Variants in NHEJ1 observed in about 807,000 individuals in gnomAD.
The protein encoded by NHEJ1 is non-homologous end-joining factor 1.
NHEJ1 carries 22 observed loss-of-function variants against 39.4 expected under a neutral mutation model. The observed-to-expected ratio is 0.56, with a 90% confidence interval of 0.40 to 0.80. NHEJ1 has a LOEUF of 0.80. NHEJ1 is among the 30% of genes least tolerant of loss of function. The pLI, the probability that NHEJ1 is intolerant of heterozygous loss-of-function variation, is 0.00. For missense variants in NHEJ1, 329 were observed against 357.1 expected, an observed-to-expected ratio of 0.92 and a Z score of 0.63; for synonymous variants, 154 against 135.6, an observed-to-expected ratio of 1.14 and a Z score of -0.94.
intron 5 of NHEJ1, among the ~76,000 whole-genome samples, chr2:219,129,158 C>A (rs562001230): frequency 6.6e-6 from 1 of 152,332 alleles, no homozygotes; most frequent in South Asian, 2.1e-4. Flanking sequence ...AACAGACTTA[C>A]TTGATTGCAT....
At chr2:219,124,110 T>C (rs984238486) in intron 5 of NHEJ1, among the ~76,000 whole-genome samples, 3 of 152,148 alleles carry the variant, frequency 2.0e-5, no homozygotes, top group Non-Finnish European at 2.9e-5. Flanking sequence ...TCAGGCCAGC[T>C]GTCATCAACC....
chr2:219,158,407 G>A, intron 1 of NHEJ1, 45 bp from the exon 2 acceptor site: 2 of 1,590,334 alleles, frequency 1.3e-6, no homozygotes, highest in Non-Finnish European at 1.7e-6. Flanking sequence ...GGGTCATGCT[G>A]GCCTAGGGAG....
chr2:219,137,483 TAGG>T (rs921651083), intron 5 of NHEJ1, among the ~76,000 whole-genome samples: 1 of 146,672 alleles, frequency 6.8e-6, no homozygotes, highest in Admixed American at 7.1e-5. Context: ...ATCTCCCTCC[TAGG>T]AGATGTGTCC....
intron 3 of NHEJ1, among the ~76,000 whole-genome samples, chr2:219,151,462 TTATC>T (rs1949794424): frequency 6.6e-6 from 1 of 152,238 alleles, no homozygotes. Flanking sequence ...GCAACTGAAA[TTATC>T]TATCAGACCC....
At position 219,101,918 on chromosome 2, in the gene NHEJ1, G is replaced by A. The variant is rs548555773; in HGVS notation, c.589-23712C>T. On this transcript the variant is annotated intron_variant, in intron 5 of 7. Coordinates refer to ENST00000356853, the MANE Select transcript of NHEJ1 (RefSeq NM_024782.3). ...TTTTTTGTATTTTAGCGGAGATGGC[G>A]TTTCACCATGTTGGCCAAGATGGTC... Among the ~76,000 whole-genome samples, 445 of 150,620 alleles carry A rather than the reference G, an allele frequency of 3.0e-3. 3 individuals carry two copies. Among genetic ancestry groups the A allele is most frequent in the African/African-American group, 9.7e-3 (396 of 40,916 alleles).
chr2:219,140,247 A>G (rs866233962), intron 5 of NHEJ1, among the ~76,000 whole-genome samples: 1 of 152,220 alleles, frequency 6.6e-6, no homozygotes. Flanking sequence ...GAAAGGTAAG[A>G]GAGTTCTATA....
intron 5 of NHEJ1, among the ~76,000 whole-genome samples, chr2:219,133,089 C>A (rs536563190): frequency 6.6e-6 from 1 of 152,286 alleles, no homozygotes; most frequent in Non-Finnish European, 1.5e-5. Flanking sequence ...GCAATTTCTC[C>A]CTTCATAATT....
intron 5 of NHEJ1, among the ~76,000 whole-genome samples, chr2:219,082,923 G>T (rs545286309): frequency 1.3e-5 from 2 of 152,198 alleles, no homozygotes; most frequent in Non-Finnish European, 2.9e-5. Context: ...CTTCCCTTAG[G>T]AATAAGAGCA....
intron 5 of NHEJ1, among the ~76,000 whole-genome samples, chr2:219,145,297 T>C (rs1407441378): frequency 6.6e-6 from 1 of 152,212 alleles, no homozygotes; most frequent in Non-Finnish European, 1.5e-5. Context: ...ATACAAGTTT[T>C]CCTTCTTCTT....
chr2:219,140,378 A>T (rs898480135), intron 5 of NHEJ1, among the ~76,000 whole-genome samples: 2 of 152,244 alleles, frequency 1.3e-5, no homozygotes, highest in African/African-American at 4.8e-5. Context: ...CAACTTAATA[A>T]GATAGCTTTG....
intron 3 of NHEJ1, among the ~76,000 whole-genome samples, chr2:219,150,764 T>C (rs953603345): frequency 1.1e-4 from 16 of 152,270 alleles, no homozygotes; most frequent in African/African-American, 3.9e-4. Context: ...AAGATCAGCC[T>C]GGCCAACACG....
chr2:219,158,236 G>A lies in NHEJ1; in HGVS notation c.127C>T (p.Gln43Ter). 1 of 1,614,172 alleles carries A rather than the reference G, an allele frequency of 6.2e-7. No individual in the cohort carries two copies. The highest frequency in any genetic ancestry group is 8.5e-7 in the Non-Finnish European group (1 of 1,180,044). Residue 43 changes from glutamine to a stop codon, truncating the protein, a stop_gained, in exon 2 of 8, where the codon CAG becomes TAG. Coordinates refer to ENST00000356853, the MANE Select transcript of NHEJ1 (RefSeq NM_024782.3). LOFTEE classifies it high-confidence loss of function. ...GYALLVSDLQ[Q>*]VWHEQVDTSV... ...GTGTCCACCTGTTCATGCCACACCTGTTGAAGATCTGAAACCAACAAGGCA... is the reference window on the plus strand; with the variant it reads ...GTGTCCACCTGTTCATGCCACACCTATTGAAGATCTGAAACCAACAAGGCA...
intron 5 of NHEJ1, among the ~76,000 whole-genome samples, chr2:219,134,690 C>T (rs1198160633): frequency 2.6e-5 from 4 of 152,128 alleles, no homozygotes; most frequent in African/African-American, 9.7e-5. Context: ...AGCTTCAACC[C>T]TAGTTTTTCA....
In NHEJ1 at chr2:219,071,489, AT is replaced by A. The variant is rs1390548463; in HGVS notation, c.*4891del. Among the ~76,000 whole-genome samples the A allele has an allele frequency of 6.6e-6, 1 of 152,190 alleles. No individual in the cohort carries two copies. The highest frequency in any genetic ancestry group is 1.5e-5 in the Non-Finnish European group (1 of 68,032). On this transcript the variant is annotated 3_prime_UTR_variant, in exon 8 of 8. Transcript: ENST00000356853. ...ATCTGATTAACCATGTTAGACAACA[AT>A]GCCGAGCTGGGATGGGCTTCCCCTT...
rs1003778613 is a variant in NHEJ1 at position 219,071,977 on chromosome 2, G to A, written c.*4404C>T. Among the ~76,000 whole-genome samples, 15 of 152,202 alleles carry A rather than the reference G, an allele frequency of 9.9e-5. No homozygotes were observed. The highest frequency in any genetic ancestry group is 2.7e-4 in the African/African-American group (11 of 41,456). On this transcript the variant is annotated 3_prime_UTR_variant, in exon 8 of 8. Transcript: ENST00000356853. The stretch of plus-strand genomic sequence containing the variant: ...CCTATGTGCTAGGATAGAGAACTGA[G>A]AGCCCAGAGCTGAGAGGATACATAA...
chr2:219,097,512 C>T (rs868645538), intron 5 of NHEJ1, among the ~76,000 whole-genome samples: 2 of 152,178 alleles, frequency 1.3e-5, no homozygotes, highest in Non-Finnish European at 2.9e-5. Flanking sequence ...ATTCAAACTC[C>T]TGGGCTCAAG....
At chr2:219,121,374 T>G (rs760880891) in intron 5 of NHEJ1, among the ~76,000 whole-genome samples, 1 of 152,216 alleles carries the variant, frequency 6.6e-6, no homozygotes, top group Non-Finnish European at 1.5e-5. Flanking sequence ...ATCCTATATG[T>G]GTTAATTTTC....
intron 5 of NHEJ1, among the ~76,000 whole-genome samples, chr2:219,137,570 C>CAAAAAAAAAAAAAAAAAAAAAAAAAAA (rs58279021): frequency 2.9e-5 from 1 of 34,716 alleles, no homozygotes; most frequent in Admixed American, 3.8e-4. Flanking sequence ...GTGTTACAGG[C>CAAAAAAAAAAAAAAAAAAAAAAAAAAA]AAAAAAAAAA....
At chr2:219,153,706 GA>G (rs371224267) in intron 3 of NHEJ1, among the ~76,000 whole-genome samples, 12 of 52,176 alleles carry the variant, frequency 2.3e-4, no homozygotes, top group Non-Finnish European at 3.3e-4. Flanking sequence ...GGGGGGGGTG[GA>G]GAGAGAGAGA....
Sources: allele counts gnomAD v4.1 joint callset (sites outside exome capture counted in the v4.1 genomes callset), GRCh38; gene constraint gnomAD v4.1.1; transcripts MANE v1.5; gene names NCBI Gene and HGNC (gene_info 2026-07-23, HGNC 2026-07-21).